IGSF21: variants seen among roughly 807,000 people sequenced by gnomAD.
IGSF21 encodes immunoglobulin superfamily member 21.
In IGSF21, 28 loss-of-function variants were observed where a neutral mutation model predicts 46.8. The ratio of observed to expected loss-of-function variants is 0.60; its 90% CI spans 0.44 to 0.82. The LOEUF is 0.82. Among genes scored for constraint, IGSF21 ranks in the 40% least tolerant of loss-of-function variants. The pLI is 0.00. For missense variants in IGSF21, 624 were observed against 665.5 expected, an observed-to-expected ratio of 0.94 and a Z score of 0.69; for synonymous variants, 284 against 273.6, an observed-to-expected ratio of 1.04 and a Z score of -0.38.
intron 1 of IGSF21, among the ~76,000 whole-genome samples, chr1:18,177,089 T>A (rs2086806747): frequency 6.6e-6 from 1 of 152,214 alleles, no homozygotes; most frequent in South Asian, 2.1e-4. Flanking sequence ...CATGACTTTA[T>A]TGTATCCACT....
At chr1:18,227,076 C>T (rs1425501617) in intron 1 of IGSF21, among the ~76,000 whole-genome samples, 2 of 152,172 alleles carry the variant, frequency 1.3e-5, no homozygotes, top group African/African-American at 2.4e-5. Flanking sequence ...GGTAGTAGTC[C>T]GGGAAGCATC....
At chr1:18,297,996 G>C (rs571821951) in intron 3 of IGSF21, among the ~76,000 whole-genome samples, 1 of 152,128 alleles carries the variant, frequency 6.6e-6, no homozygotes, top group Non-Finnish European at 1.5e-5. Context: ...AGACATCTGA[G>C]CACAGATCTG....
chr1:18,342,830 T>C (rs539199552), intron 4 of IGSF21, among the ~76,000 whole-genome samples: 1 of 152,336 alleles, frequency 6.6e-6, no homozygotes. Context: ...GTTTATGCAT[T>C]CCTCAGTGGA....
chr1:18,214,992 G>A (rs1026073906), intron 1 of IGSF21, among the ~76,000 whole-genome samples: 9 of 152,098 alleles, frequency 5.9e-5, no homozygotes, highest in Admixed American at 2.0e-4. Flanking sequence ...CGCCCTCCTC[G>A]GCCTCCCAAA....
At chr1:18,256,196 G>A (rs2084890836) in intron 2 of IGSF21, among the ~76,000 whole-genome samples, 1 of 152,128 alleles carries the variant, frequency 6.6e-6, no homozygotes, top group South Asian at 2.1e-4. Flanking sequence ...ATGCCCTCCT[G>A]TATGACTAGG....
At chr1:18,148,103 A>G (rs1457709303) in intron 1 of IGSF21, among the ~76,000 whole-genome samples, 1 of 145,926 alleles carries the variant, frequency 6.9e-6, no homozygotes, top group South Asian at 2.3e-4. Flanking sequence ...ATTTTCCTTT[A>G]TAAATTACTC....
At chr1:18,134,219 G>A (rs181186706) in intron 1 of IGSF21, among the ~76,000 whole-genome samples, 2 of 152,204 alleles carry the variant, frequency 1.3e-5, no homozygotes, top group African/African-American at 4.8e-5. Flanking sequence ...CTCCTCTGTG[G>A]CCTTCCCATT....
intron 2 of IGSF21, among the ~76,000 whole-genome samples, chr1:18,265,719 C>A (rs1280339905): frequency 6.6e-6 from 1 of 152,232 alleles, no homozygotes; most frequent in African/African-American, 2.4e-5. Context: ...TGTGGCACTG[C>A]TGGCTGAATT....
chr1:18,120,727 G>A (rs2086227742), intron 1 of IGSF21, among the ~76,000 whole-genome samples: 1 of 152,184 alleles, frequency 6.6e-6, no homozygotes, highest in African/African-American at 2.4e-5. Flanking sequence ...TATGAGAATG[G>A]GGTTTTAGGG....
Position 18,376,388 on chromosome 1 carries a change from G to C in IGSF21, c.1094G>C (p.Gly365Ala), listed in dbSNP as rs759622435. 1 of 1,613,274 alleles carries C rather than the reference G, an allele frequency of 6.2e-7. No homozygotes were observed. The highest frequency in any genetic ancestry group is 1.7e-5 in the Admixed American group (1 of 60,022). ...VGDTVRILVHGFQNEVFPEPM... is the reference protein window; with the variant it reads ...VGDTVRILVHAFQNEVFPEPM... ...GACACAGTGAGGATTCTGGTCCATG[G>C]GTTTCAGGTCAGCCTCTCTCTGAGC... The change falls in exon 7 of 10, where the codon GGG (glycine) becomes GCG (alanine). Residue 365 changes from glycine to alanine, a missense_variant. Transcript: ENST00000251296.
intron 1 of IGSF21, among the ~76,000 whole-genome samples, chr1:18,154,675 G>A (rs2086552437): frequency 6.6e-6 from 1 of 151,834 alleles, no homozygotes; most frequent in Non-Finnish European, 1.5e-5. Context: ...GGGGAGGGGT[G>A]GGGGTGGGGT....
chr1:18,244,288 G>A (rs2084762252), intron 2 of IGSF21, among the ~76,000 whole-genome samples: 2 of 152,212 alleles, frequency 1.3e-5, no homozygotes, highest in South Asian at 4.1e-4. Context: ...AAAGAGGGAC[G>A]GAGCCCTAGC....
chr1:18,131,214 T>C (rs980548696), intron 1 of IGSF21, among the ~76,000 whole-genome samples: 25 of 152,320 alleles, frequency 1.6e-4, no homozygotes, highest in East Asian at 9.6e-4. Context: ...TTTGTTTTTT[T>C]CTTCACGTGT....
At chr1:18,328,730 G>T (rs182799130) in intron 3 of IGSF21, among the ~76,000 whole-genome samples, 2 of 152,148 alleles carry the variant, frequency 1.3e-5, no homozygotes. Context: ...TGGATCACTT[G>T]GTTCTTCAAC....
intron 6 of IGSF21, among the ~76,000 whole-genome samples, chr1:18,373,643 A>G (rs898298098): frequency 1.3e-5 from 2 of 152,108 alleles, no homozygotes; most frequent in Non-Finnish European, 2.9e-5. Context: ...GGAGCCCAGG[A>G]GCCGGGGTGC....
chr1:18,165,727 T>C (rs1281550047), intron 1 of IGSF21, among the ~76,000 whole-genome samples: 2 of 152,264 alleles, frequency 1.3e-5, no homozygotes, highest in Non-Finnish European at 2.9e-5. Context: ...AATTGCACTT[T>C]ATGTTCTTAG....
At chr1:18,357,386 GGGGATGAGGATGAGGGTA>G (rs1457948053) in intron 4 of IGSF21, among the ~76,000 whole-genome samples, 1 of 148,612 alleles carries the variant, frequency 6.7e-6, no homozygotes, top group Non-Finnish European at 1.5e-5. Context: ...GGAAAGGGAT[GGGGATGAGGATGAGGGTA>G]GGGATGAGGA....
At chr1:18,143,840 G>A (rs1031358682) in intron 1 of IGSF21, among the ~76,000 whole-genome samples, 2 of 152,146 alleles carry the variant, frequency 1.3e-5, no homozygotes, top group African/African-American at 2.4e-5. Flanking sequence ...TAGGTGGTAG[G>A]GGGGTGAGTG....
intron 1 of IGSF21, among the ~76,000 whole-genome samples, chr1:18,169,584 C>T (rs958205210): frequency 2.4e-4 from 36 of 152,280 alleles, no homozygotes; most frequent in African/African-American, 7.5e-4. Context: ...CACAGGTGGC[C>T]GAGTTAGCGA....
Sources: allele counts gnomAD v4.1 joint callset (sites outside exome capture counted in the v4.1 genomes callset), GRCh38; gene constraint gnomAD v4.1.1; transcripts MANE v1.5; gene names NCBI Gene and HGNC (gene_info 2026-07-23, HGNC 2026-07-21).